COL5A2: variants seen among roughly 807,000 people sequenced by gnomAD.
COL5A2 encodes collagen alpha-2(V) chain.
A neutral mutation model predicts 208.2 loss-of-function variants in COL5A2; 23 were observed. The ratio of observed to expected loss-of-function variants is 0.11; its 90% confidence interval spans 0.08 to 0.16. The LOEUF (loss-of-function observed/expected upper bound fraction) is 0.16, where lower values mean the gene tolerates loss of function less well. Among genes scored for constraint, COL5A2 ranks in the 10% least tolerant of loss-of-function variants. The pLI is 1.00. For synonymous variants in COL5A2, 625 were observed against 628.5 expected, an observed-to-expected ratio of 0.99 and a Z score of 0.08; for missense variants, 1,590 against 1,956.4, an observed-to-expected ratio of 0.81 and a Z score of 3.53.
chr2:189,069,076 C>T (rs752148079), intron 18 of COL5A2, among the ~76,000 whole-genome samples, 192 bp from the exon 19 acceptor site: 45 of 152,284 alleles, frequency 3.0e-4, no homozygotes, highest in East Asian at 1.4e-3. Flanking sequence ...TAAGGGATGA[C>T]GCTGGTGGCC....
the COL5A2 span, among the ~76,000 whole-genome samples, chr2:189,380,798 C>A: frequency 2.0e-5 from 3 of 151,884 alleles, no homozygotes; most frequent in Admixed American, 2.0e-4. Context: ...CTACAAAATT[C>A]TTCTTGGAAT....
In COL5A2 at chr2:189,154,835, C is replaced by T. The variant is rs183350658; in HGVS notation, c.97+24673G>A. ...ATGAGTTTAGCACCTCCATTATATT[C>T]ACTTTTGTATATATTTTACCTGGCA... On this transcript the variant is annotated intron_variant, in intron 1 of 53. Coordinates refer to ENST00000374866, the MANE Select transcript of COL5A2 (RefSeq NM_000393.5). Among the ~76,000 whole-genome samples the T allele has an allele frequency of 3.3e-3, 500 of 152,160 alleles. 4 individuals carry two copies. The highest frequency in any genetic ancestry group is 0.011 in the African/African-American group (464 of 41,508).
chr2:189,404,910 G>A, the COL5A2 span, among the ~76,000 whole-genome samples: 15 of 152,126 alleles, frequency 9.9e-5, no homozygotes, highest in Admixed American at 6.5e-5. Flanking sequence ...CTCTCCTGTT[G>A]AGGGACATTT....
At chr2:189,352,236 A>G in the COL5A2 span, among the ~76,000 whole-genome samples, 1 of 152,064 alleles carries the variant, frequency 6.6e-6, no homozygotes, top group Non-Finnish European at 1.5e-5. Flanking sequence ...AGTCTTTGCT[A>G]TTGTCAACAG....
intron 1 of COL5A2, among the ~76,000 whole-genome samples, chr2:189,168,023 C>T (rs138582994): frequency 0.026 from 3,977 of 150,952 alleles, 190 homozygotes; most frequent in African/African-American, 0.092. Context: ...CCGCAAGCTC[C>T]GCCTCCCAGG....
At chr2:189,133,883 T>C (rs1687774641) in intron 1 of COL5A2, among the ~76,000 whole-genome samples, 1 of 152,076 alleles carries the variant, frequency 6.6e-6, no homozygotes, top group African/African-American at 2.4e-5. Flanking sequence ...CCTTCAGGTG[T>C]TTATTTCTGA....
chr2:189,122,659 T>A (rs1687529398), intron 1 of COL5A2, among the ~76,000 whole-genome samples: 1 of 152,218 alleles, frequency 6.6e-6, no homozygotes, highest in Non-Finnish European at 1.5e-5. Context: ...GGGCTGTACA[T>A]TTCTTGAGAA....
chr2:189,271,491 A>G, the COL5A2 span, among the ~76,000 whole-genome samples: 1 of 152,060 alleles, frequency 6.6e-6, no homozygotes, highest in East Asian at 1.9e-4. Context: ...TCCTTACACC[A>G]TATACAAAAA....
Position 189,045,747 on chromosome 2 carries a change from A to G in COL5A2, c.3309+53T>C, listed in dbSNP as rs984025679. The G allele has an allele frequency of 5.7e-6, 8 of 1,393,776 alleles. No individual in the cohort carries two copies. In the African/African-American group the frequency reaches 9.9e-5, roughly 17 times the overall value. The allele number at this position is 1,393,776 out of a possible 1,614,324, so 86.3% of individuals were successfully genotyped here. On this transcript the variant is annotated intron_variant, in intron 46 of 53. Transcript: ENST00000374866. ...TGTGTGTGCCTATATGCAGCTTATA[A>G]CATAGCATATGGGTGTGCAAAACTG...
At chr2:189,090,821 A>G (rs1686768381) in intron 7 of COL5A2, among the ~76,000 whole-genome samples, 2 of 152,200 alleles carry the variant, frequency 1.3e-5, no homozygotes, top group South Asian at 4.1e-4. Context: ...ATTGAGACCT[A>G]TTGCTCAGAA....
intron 1 of COL5A2, among the ~76,000 whole-genome samples, chr2:189,155,339 G>T (rs1466590924): frequency 7.5e-6 from 1 of 134,010 alleles, no homozygotes; most frequent in Non-Finnish European, 1.6e-5. Context: ...TTATTTTATA[G>T]CACATACTGC....
chr2:189,205,468 G>C (rs1025693808), intron 1 of COL5A2, among the ~76,000 whole-genome samples: 2 of 152,154 alleles, frequency 1.3e-5, no homozygotes, highest in African/African-American at 4.8e-5. Context: ...CAAGGCAATG[G>C]CCACTTCTAG....
intron 1 of COL5A2, among the ~76,000 whole-genome samples, chr2:189,118,178 T>G (rs1466914832): frequency 1.3e-5 from 2 of 152,036 alleles, no homozygotes; most frequent in East Asian, 3.8e-4. Context: ...TACAAAGCTT[T>G]AAAATACCAT....
chr2:189,099,481 C>T (rs1159007657), intron 4 of COL5A2, among the ~76,000 whole-genome samples: 1 of 152,010 alleles, frequency 6.6e-6, no homozygotes, highest in African/African-American at 2.4e-5. Flanking sequence ...AAAATTTAGC[C>T]AGGCATGGTG....
the COL5A2 span, among the ~76,000 whole-genome samples, chr2:189,246,040 A>G: frequency 2.0e-5 from 3 of 152,322 alleles, no homozygotes; most frequent in African/African-American, 4.8e-5. Flanking sequence ...CTTAGGCACC[A>G]TTGCAAATAC....
upstream of COL5A2, among the ~76,000 whole-genome samples, chr2:189,226,429 C>T (rs1257922545): frequency 6.6e-6 from 1 of 152,114 alleles, no homozygotes; most frequent in Non-Finnish European, 1.5e-5. Context: ...AACACAAAGC[C>T]AGCCACATTG....
chr2:189,314,000 C>T, the COL5A2 span, among the ~76,000 whole-genome samples: 1 of 152,174 alleles, frequency 6.6e-6, no homozygotes, highest in East Asian at 1.9e-4. Flanking sequence ...TAGTGGGGAA[C>T]TTTAACACCC....
At chr2:189,077,067 A>G (rs1686421333) in intron 16 of COL5A2, among the ~76,000 whole-genome samples, 1 of 152,106 alleles carries the variant, frequency 6.6e-6, no homozygotes, top group South Asian at 2.1e-4. Flanking sequence ...CCCTGTCCTC[A>G]AAATTTAAAG....
chr2:189,179,590 C>G lies in COL5A2; in HGVS notation c.15G>C (p.Trp5Cys). 6.2e-7 allele frequency: 1 copy of G among 1,606,524 alleles called. No individual in the cohort carries two copies. Among genetic ancestry groups the G allele is most frequent in the Non-Finnish European group, 8.5e-7 (1 of 1,175,524 alleles). The change falls in exon 1 of 54, where the codon TGG (tryptophan) becomes TGC (cysteine). Residue 5 changes from tryptophan (W) to cysteine (C), a missense_variant. Coordinates refer to ENST00000374866, the MANE Select transcript of COL5A2 (RefSeq NM_000393.5). Reference sequence around the variant, plus strand: ...GAATGAGGAGAGGTCTTGCTTCCGCCCAGTTTGCCATCATGTCTAAATATT... The same window carrying G: ...GAATGAGGAGAGGTCTTGCTTCCGCGCAGTTTGCCATCATGTCTAAATATT... MMAN[W>C]AEARPLLILI...
Sources: gnomAD v4.1 joint callset for allele counts (sites outside exome capture counted in the v4.1 genomes callset) on GRCh38, gnomAD v4.1.1 for gene constraint, MANE v1.5 for transcripts, NCBI Gene and HGNC (gene_info 2026-07-23, HGNC 2026-07-21) for gene names.